The following NDUFAF7 variants were observed in gnomAD, a reference collection of about 807,000 sequenced individuals.
NDUFAF7 encodes the protein protein arginine methyltransferase NDUFAF7, mitochondrial.
Under a neutral mutation model 47.2 loss-of-function variants are expected in NDUFAF7, and 48 were observed. That is an observed-to-expected ratio of 1.02 (90% CI 0.81 to 1.29). The LOEUF is 1.29. NDUFAF7 is among the 50% of genes most tolerant of loss of function. The probability of loss-of-function intolerance (pLI) is 0.00; values close to 1 mark genes in which losing one functional copy is unlikely to be tolerated. For synonymous variants in NDUFAF7, 217 were observed against 190.0 expected (o/e 1.14, Z -1.17); for missense variants, 635 against 537.6 (o/e 1.18, Z -1.79).
the NDUFAF7 span, among the ~76,000 whole-genome samples, chr2:37,266,516 T>A: frequency 6.6e-6 from 1 of 150,494 alleles, no homozygotes; most frequent in Non-Finnish European, 1.5e-5. Context: ...GATGGAGTTT[T>A]GCTGTTGTTG....
At chr2:37,239,118 CTTTTT>C (rs368415833) in intron 4 of NDUFAF7, among the ~76,000 whole-genome samples, 2 of 133,090 alleles carry the variant, frequency 1.5e-5, no homozygotes, top group Non-Finnish European at 1.6e-5. Context: ...TTTTCTTTCT[CTTTTT>C]TTTTTTTTTT....
intron 4 of NDUFAF7, among the ~76,000 whole-genome samples, chr2:37,240,040 T>C (rs1666198233): frequency 6.6e-6 from 1 of 152,240 alleles, no homozygotes; most frequent in African/African-American, 2.4e-5. Context: ...TAGTACCTGA[T>C]AAGTAATAGT....
At chr2:37,249,570 C>G (rs142563564), downstream of NDUFAF7, among the ~76,000 whole-genome samples, 36,099 of 113,974 alleles carry the variant, frequency 0.32, 6,072 homozygotes, top group East Asian at 0.42. Context: ...CACACACACA[C>G]ACACACACAC....
downstream of NDUFAF7, chr2:37,253,414 GTT>G (rs1667672541): frequency 1.4e-6 from 2 of 1,421,796 alleles, no homozygotes; most frequent in Non-Finnish European, 9.5e-7. Flanking sequence ...CCTGGTTTTT[GTT>G]TTGTGTTTTT....
In NDUFAF7 at chr2:37,232,093, G is replaced by T; in HGVS notation, c.56-13G>T. ...ATTTATCATGGGGTCTGTTTAATTT[G>T]TGTTTTTCGCAGCCATTCCTTTTAT... On this transcript the variant is annotated splice_polypyrimidine_tract_variant and intron_variant, in intron 1 of 9. Transcript: ENST00000002125. 1 of 1,614,234 alleles carries T rather than the reference G, an allele frequency of 6.2e-7. No individual in the cohort carries two copies. The highest frequency in any genetic ancestry group is 2.2e-5 in the East Asian group (1 of 44,890).
rs1667197945 is a variant in NDUFAF7, at chr2:37,248,775, A to G, written c.*425A>G. 4.1e-6 allele frequency: 1 copy of G among 245,448 alleles called. No homozygotes were observed. The highest frequency in any genetic ancestry group is 5.1e-5 in the South Asian group (1 of 19,686). 15.2% of individuals were successfully genotyped at this position (245,448 alleles called of 1,614,324 possible). ...ACTAAAAATACAAAACTAGCCGGGT[A>G]TGGTGGTACATGCCTGTAATCCCAG... On this transcript the variant is annotated 3_prime_UTR_variant, in exon 10 of 10. Coordinates refer to ENST00000002125, the MANE Select transcript of NDUFAF7 (RefSeq NM_144736.5).
At chr2:37,235,517 C>T (rs1032249134) in intron 2 of NDUFAF7, among the ~76,000 whole-genome samples, 2 of 151,912 alleles carry the variant, frequency 1.3e-5, no homozygotes, top group African/African-American at 2.4e-5. Flanking sequence ...AAGGGTCTGG[C>T]GTGCAGAGAT....
intron 4 of NDUFAF7, among the ~76,000 whole-genome samples, chr2:37,240,269 C>T (rs1666219790): frequency 6.6e-6 from 1 of 151,792 alleles, no homozygotes; most frequent in African/African-American, 2.4e-5. Flanking sequence ...ACAAAAATTA[C>T]CCAGTCGTGG....
the NDUFAF7 span, among the ~76,000 whole-genome samples, chr2:37,258,478 G>GT: frequency 1.3e-5 from 2 of 152,212 alleles, no homozygotes; most frequent in African/African-American, 4.8e-5. Flanking sequence ...CATAAAAAGC[G>GT]TATCAAGTAA....
In NDUFAF7 at chr2:37,246,089, A is replaced by AT. The variant is rs1285283256; in HGVS notation, c.831dup (p.Ala278CysfsTer23). ...AGGGATCATGTTGAAGTGTGTCCTG[A>AT]TGCTGGTGTTATCATCGAGGAACTT... On this transcript the variant is annotated frameshift_variant, in exon 8 of 10. Coordinates refer to ENST00000002125, the MANE Select transcript of NDUFAF7 (RefSeq NM_144736.5). LOFTEE classifies it high-confidence loss of function. 1.9e-6 allele frequency: 3 copies of AT among 1,613,904 alleles called. No homozygotes were observed. In the Admixed American group the frequency reaches 5.0e-5, roughly 27 times the overall value.
intron 2 of NDUFAF7, among the ~76,000 whole-genome samples, chr2:37,233,811 G>T (rs1232477498): frequency 6.6e-6 from 1 of 152,068 alleles, no homozygotes; most frequent in Non-Finnish European, 1.5e-5. Context: ...TCTTAACCTA[G>T]GGACCCTTTA....
intron 4 of NDUFAF7, among the ~76,000 whole-genome samples, chr2:37,239,020 C>T (rs1174375553): frequency 6.6e-6 from 1 of 151,568 alleles, no homozygotes; most frequent in Non-Finnish European, 1.5e-5. Flanking sequence ...AAAAGTCTGT[C>T]AACACCAAGT....
At chr2:37,260,237 A>G in the NDUFAF7 span, 1 of 1,610,468 alleles carries the variant, frequency 6.2e-7, no homozygotes, top group Admixed American at 1.7e-5. Flanking sequence ...GTGACCATGA[A>G]TTTAGTAATT....
chr2:37,265,736 T>C, the NDUFAF7 span, among the ~76,000 whole-genome samples: 1 of 152,218 alleles, frequency 6.6e-6, no homozygotes, highest in African/African-American at 2.4e-5. Context: ...GTATTAAATT[T>C]AGTATGAAAA....
chr2:37,264,872 C>T, the NDUFAF7 span, among the ~76,000 whole-genome samples: 1 of 152,046 alleles, frequency 6.6e-6, no homozygotes, highest in Non-Finnish European at 1.5e-5. Flanking sequence ...TTCTGTTAAA[C>T]AGAATTACAA....
At chr2:37,235,815 C>T (rs1027602929) in intron 2 of NDUFAF7, among the ~76,000 whole-genome samples, 4 of 151,856 alleles carry the variant, frequency 2.6e-5, no homozygotes, top group Admixed American at 6.6e-5. Flanking sequence ...CCACCATGCC[C>T]GGCTAATTTT....
chr2:37,249,655 C>T (rs1480446965), downstream of NDUFAF7, among the ~76,000 whole-genome samples: 2 of 150,112 alleles, frequency 1.3e-5, no homozygotes, highest in Non-Finnish European at 3.0e-5. Context: ...CACACACACA[C>T]ACACACACAC....
chr2:37,262,836 A>T, the NDUFAF7 span, among the ~76,000 whole-genome samples: 1 of 151,772 alleles, frequency 6.6e-6, no homozygotes, highest in Non-Finnish European at 1.5e-5. Context: ...AGAATTACCC[A>T]TTTTCTCCAA....
the NDUFAF7 span, among the ~76,000 whole-genome samples, chr2:37,260,045 A>G: frequency 2.0e-5 from 3 of 152,064 alleles, no homozygotes; most frequent in Admixed American, 2.0e-4. Flanking sequence ...CACATCTGCA[A>G]TCCTAGATAC....
Sources: allele counts gnomAD v4.1 joint callset (sites outside exome capture counted in the v4.1 genomes callset), GRCh38; gene constraint gnomAD v4.1.1; transcripts MANE v1.5; gene names NCBI Gene and HGNC (gene_info 2026-07-23, HGNC 2026-07-21).